The following GRM1 variants were observed in gnomAD, a reference collection of about 807,000 sequenced individuals.
The protein encoded by GRM1 is glutamate metabotropic receptor 1, also known as metabotropic glutamate receptor 1.
In GRM1, 33 loss-of-function variants were observed where a neutral mutation model predicts 90.9. The observed-to-expected ratio is 0.36, with a 90% confidence interval of 0.28 to 0.49. The LOEUF (loss-of-function observed/expected upper bound fraction) is 0.49, where lower values mean the gene tolerates loss of function less well. Ranked by LOEUF, GRM1 falls within the 20% of genes least tolerant of loss-of-function variation. The pLI is 0.99. For missense variants in GRM1, 1,190 were observed against 1,534.3 expected (o/e 0.78, Z 3.75); for synonymous variants, 700 against 613.2 (o/e 1.14, Z -2.09).
chr6:146,412,474 T>C (rs74777050), intron 7 of GRM1, among the ~76,000 whole-genome samples: 1,937 of 152,252 alleles, frequency 0.013, 47 homozygotes, highest in African/African-American at 0.045. Flanking sequence ...ACAGTAGAGA[T>C]GACAATACCC....
chr6:146,030,798 C>T (rs1310389659), intron 1 of GRM1, among the ~76,000 whole-genome samples: 2 of 152,194 alleles, frequency 1.3e-5, no homozygotes, highest in Middle Eastern at 3.4e-3. Flanking sequence ...TTCTGGAGTA[C>T]CTTAGTTACA....
At chr6:146,165,969 G>A (rs969291601) in intron 2 of GRM1, among the ~76,000 whole-genome samples, 7 of 151,896 alleles carry the variant, frequency 4.6e-5, no homozygotes, top group Non-Finnish European at 4.4e-5. Flanking sequence ...CACTTTCATG[G>A]TCTTTACCTG....
intron 5 of GRM1, among the ~76,000 whole-genome samples, chr6:146,373,980 TATG>T (rs1199616411): frequency 3.9e-5 from 6 of 152,292 alleles, no homozygotes; most frequent in African/African-American, 1.4e-4. Flanking sequence ...CCCCATTCAG[TATG>T]ATACTATCTG....
chr6:146,132,066 G>C (rs1032880532), intron 1 of GRM1, among the ~76,000 whole-genome samples: 1 of 152,192 alleles, frequency 6.6e-6, no homozygotes, highest in African/African-American at 2.4e-5. Context: ...GGCTGTAAAA[G>C]TGAACTCACA....
chr6:146,053,010 A>G (rs1004086475), intron 1 of GRM1, among the ~76,000 whole-genome samples: 3 of 152,072 alleles, frequency 2.0e-5, no homozygotes, highest in African/African-American at 7.2e-5. Context: ...CAAATATGTG[A>G]CTAGACATTG....
At chr6:146,181,155 T>G (rs1300869354) in intron 2 of GRM1, among the ~76,000 whole-genome samples, 1 of 152,082 alleles carries the variant, frequency 6.6e-6, no homozygotes, top group East Asian at 1.9e-4. Context: ...TAACATGCAT[T>G]TCAGCAAGAG....
chr6:146,279,765 T>G (rs1209325409), intron 2 of GRM1, among the ~76,000 whole-genome samples: 1 of 152,190 alleles, frequency 6.6e-6, no homozygotes, highest in Non-Finnish European at 1.5e-5. Flanking sequence ...CATTTAAAAA[T>G]AATATTATAC....
At chr6:146,430,914 C>G (rs1778383664) in intron 7 of GRM1, among the ~76,000 whole-genome samples, 1 of 152,184 alleles carries the variant, frequency 6.6e-6, no homozygotes, top group African/African-American at 2.4e-5. Context: ...CATTTAAAAA[C>G]AGCAGTGCAT....
At chr6:146,250,720 G>A (rs1172589960) in intron 2 of GRM1, among the ~76,000 whole-genome samples, 1 of 152,186 alleles carries the variant, frequency 6.6e-6, no homozygotes, top group East Asian at 1.9e-4. Flanking sequence ...AGCATCATAT[G>A]GTGAAGCCAG....
Position 146,304,753 on chromosome 6 carries a change from A to G in GRM1, c.1093A>G (p.Asn365Asp). 1.2e-6 allele frequency: 2 copies of G among 1,614,048 alleles called. No individual in the cohort carries two copies. Among genetic ancestry groups the G allele is most frequent in the East Asian group, 4.5e-5 (2 of 44,880 alleles). Reference sequence around the variant, plus strand: ...ACTGAGGCTGGACACTAACACGAGGAATCCCTGGTTCCCTGAGTTCTGGCA... The same window carrying G: ...ACTGAGGCTGGACACTAACACGAGGGATCCCTGGTTCCCTGAGTTCTGGCA... ...LKLRLDTNTR[N>D]PWFPEFWQHR... The change falls in exon 3 of 8, where the codon AAT becomes GAT. Residue 365 changes from asparagine (N) to aspartate (D), a missense_variant. This residue lies in a region of GRM1 where 414 missense variants were observed against 598.4 expected (regional missense o/e 0.69). Transcript: ENST00000282753.
intron 1 of GRM1, among the ~76,000 whole-genome samples, chr6:146,115,414 T>C (rs7767660): frequency 0.41 from 61,625 of 151,948 alleles, 12,812 homozygotes; most frequent in Middle Eastern, 0.54. Flanking sequence ...TTCTGTTGCT[T>C]TAGTTGTAAC....
intron 2 of GRM1, among the ~76,000 whole-genome samples, chr6:146,238,197 G>A (rs544706362): frequency 2.0e-5 from 3 of 152,168 alleles, no homozygotes; most frequent in Non-Finnish European, 2.9e-5. Context: ...CTATCATTTG[G>A]TTTTACTAAT....
chr6:146,038,845 T>C lies in GRM1; in HGVS notation c.700+8628T>C, dbSNP rs368456339. Among the ~76,000 whole-genome samples, 3 of 152,052 alleles carry C rather than the reference T, an allele frequency of 2.0e-5. No homozygotes were observed. The South Asian group carries it at 6.2e-4, about 32-fold the overall frequency. ...ATCAATAAACAAATTGCTGATAGTA[T>C]GTTCAAGAGAAAAAAACTTTATGAA... On this transcript the variant is annotated intron_variant, in intron 1 of 7. Coordinates refer to ENST00000282753, the MANE Select transcript of GRM1 (RefSeq NM_001278064.2).
intron 2 of GRM1, among the ~76,000 whole-genome samples, chr6:146,259,923 C>T (rs1781623099): frequency 6.7e-6 from 1 of 149,582 alleles, no homozygotes. Context: ...AATGTAAAAG[C>T]ATTCCAATTT....
chr6:146,057,181 T>A (rs950217609), intron 1 of GRM1, among the ~76,000 whole-genome samples: 4 of 152,178 alleles, frequency 2.6e-5, no homozygotes, highest in Admixed American at 2.6e-4. Flanking sequence ...TTTATCTTTT[T>A]CATCCTGTCA....
chr6:146,117,685 T>C (rs1343492587), intron 1 of GRM1, among the ~76,000 whole-genome samples: 2 of 152,140 alleles, frequency 1.3e-5, no homozygotes, highest in Non-Finnish European at 2.9e-5. Flanking sequence ...TCTGCTAATG[T>C]ATATATTTGT....
chr6:146,177,097 T>G (rs1778365032), intron 2 of GRM1, among the ~76,000 whole-genome samples: 1 of 152,140 alleles, frequency 6.6e-6, no homozygotes, highest in African/African-American at 2.4e-5. Context: ...TCTTTAAGCC[T>G]TAAGTATTTG....
chr6:146,120,566 C>T (rs1775943394), intron 1 of GRM1, among the ~76,000 whole-genome samples: 1 of 152,160 alleles, frequency 6.6e-6, no homozygotes, highest in Admixed American at 6.5e-5. Context: ...ATGATATTGG[C>T]TGTGGGTTTG....
chr6:146,177,283 C>T (rs539943065), intron 2 of GRM1, among the ~76,000 whole-genome samples: 1 of 152,048 alleles, frequency 6.6e-6, no homozygotes, highest in Non-Finnish European at 1.5e-5. Flanking sequence ...CTTCCTCTGA[C>T]AACTCACAGC....
Sources: allele counts gnomAD v4.1 joint callset (sites outside exome capture counted in the v4.1 genomes callset), GRCh38; gene constraint gnomAD v4.1.1; regional missense constraint gnomAD v4.1.1; transcripts MANE v1.5; gene names NCBI Gene and HGNC (gene_info 2026-07-23, HGNC 2026-07-21).